ADGRL2: variants seen among roughly 807,000 people sequenced by gnomAD.
ADGRL2 encodes the protein calcium-independent alpha-latrotoxin receptor 2.
In ADGRL2, 44 loss-of-function variants were observed where a neutral mutation model predicts 157.4. The ratio of observed to expected loss-of-function variants is 0.28; its 90% CI spans 0.22 to 0.36. The LOEUF (loss-of-function observed/expected upper bound fraction) is 0.36. Ranked by LOEUF, ADGRL2 falls within the 10% of genes least tolerant of loss-of-function variation. The pLI is 1.00. For synonymous variants in ADGRL2, 585 were observed against 624.7 expected (o/e 0.94, Z 0.95); for missense variants, 1,510 against 1,768.9 (o/e 0.85, Z 2.63).
chr1:81,506,023 G>A (rs868663442), intron 2 of ADGRL2: 1 of 174,910 alleles, frequency 5.7e-6, no homozygotes, highest in Non-Finnish European at 1.2e-5. Flanking sequence ...GAGACAGACT[G>A]GTGAGCATGC....
intron 1 of ADGRL2, among the ~76,000 whole-genome samples, chr1:81,338,966 T>G (rs545540531): frequency 2.8e-4 from 43 of 152,228 alleles, no homozygotes; most frequent in Non-Finnish European, 5.1e-4. Context: ...TATTATTGCC[T>G]GGAATGCTCT....
intron 1 of ADGRL2, among the ~76,000 whole-genome samples, chr1:81,396,547 G>A (rs1465127825): frequency 6.6e-6 from 1 of 152,114 alleles, no homozygotes; most frequent in African/African-American, 2.4e-5. Context: ...GAGCAAGAGT[G>A]GTGAGAGTGG....
intron 3 of ADGRL2, among the ~76,000 whole-genome samples, chr1:81,672,253 T>C (rs1386899244): frequency 1.3e-5 from 2 of 151,806 alleles, no homozygotes; most frequent in African/African-American, 2.4e-5. Flanking sequence ...GTAGAAAGAG[T>C]TTTTGATTAG....
intron 1 of ADGRL2, among the ~76,000 whole-genome samples, chr1:81,330,784 T>C (rs1408041519): frequency 6.6e-6 from 1 of 152,186 alleles, no homozygotes; most frequent in Non-Finnish European, 1.5e-5. Flanking sequence ...GAGGTTGACA[T>C]CTGCACCAGG....
chr1:81,847,495 A>G (rs568292514), intron 2 of ADGRL2, among the ~76,000 whole-genome samples: 55 of 152,074 alleles, frequency 3.6e-4, no homozygotes, highest in African/African-American at 1.3e-3. Context: ...AAACAACCAT[A>G]GTTGAAATAT....
At chr1:81,386,004 T>C (rs1264365497) in intron 1 of ADGRL2, among the ~76,000 whole-genome samples, 1 of 152,126 alleles carries the variant, frequency 6.6e-6, no homozygotes, top group Admixed American at 6.6e-5. Context: ...TAGGAACTTG[T>C]GGCTAATTAA....
intron 1 of ADGRL2, among the ~76,000 whole-genome samples, chr1:81,386,546 C>T (rs895571274): frequency 2.0e-5 from 3 of 152,092 alleles, no homozygotes; most frequent in Admixed American, 6.6e-5. Context: ...TGCCTTTGTC[C>T]TGGGACCTCG....
At chr1:81,799,343 A>G (rs552681324), upstream of ADGRL2, among the ~76,000 whole-genome samples, 3 of 152,312 alleles carry the variant, frequency 2.0e-5, no homozygotes, top group East Asian at 5.8e-4. Flanking sequence ...TGCTCCTTTT[A>G]TCTTTTGAAA....
At chr1:81,716,303 T>A (rs2084114878) in intron 1 of ADGRL2, among the ~76,000 whole-genome samples, 1 of 152,144 alleles carries the variant, frequency 6.6e-6, no homozygotes, top group Admixed American at 6.5e-5. Context: ...AGCAGCTTCC[T>A]TAGATTACTC....
intron 3 of ADGRL2, among the ~76,000 whole-genome samples, chr1:81,631,756 A>T (rs10874260): frequency 0.33 from 50,870 of 151,976 alleles, 8,682 homozygotes; most frequent in Non-Finnish European, 0.36. Context: ...TTTGTGTGAG[A>T]TCTAGTCTCA....
At chr1:81,748,771 G>A (rs1483629207) in intron 1 of ADGRL2, among the ~76,000 whole-genome samples, 2 of 151,858 alleles carry the variant, frequency 1.3e-5, no homozygotes, top group African/African-American at 2.4e-5. Context: ...GGGTTCAAAC[G>A]ATTTTCCTGC....
chr1:81,543,272 G>A (rs555713762), intron 2 of ADGRL2, among the ~76,000 whole-genome samples: 14 of 147,916 alleles, frequency 9.5e-5, no homozygotes, highest in South Asian at 6.2e-4. Context: ...GAGCCCTCAC[G>A]AATGGAATTT....
chr1:81,473,970 C>G (rs912023006), intron 2 of ADGRL2, among the ~76,000 whole-genome samples: 1 of 152,182 alleles, frequency 6.6e-6, no homozygotes, highest in African/African-American at 2.4e-5. Context: ...ATCACTTGGC[C>G]TAGGCCTGTT....
intron 2 of ADGRL2, among the ~76,000 whole-genome samples, chr1:81,547,147 C>T (rs960776798): frequency 6.6e-5 from 10 of 152,298 alleles, no homozygotes; most frequent in African/African-American, 2.4e-4. Flanking sequence ...CAGCCAGATG[C>T]CCCTGGTTCG....
At chr1:81,740,798 C>A (rs1399898516) in intron 1 of ADGRL2, among the ~76,000 whole-genome samples, 11 of 151,990 alleles carry the variant, frequency 7.2e-5, no homozygotes, top group African/African-American at 2.2e-4. Flanking sequence ...AAATAGGAAG[C>A]TTTTGAGAGA....
chr1:81,489,972 C>T (rs984890154), intron 2 of ADGRL2, among the ~76,000 whole-genome samples: 1 of 151,706 alleles, frequency 6.6e-6, no homozygotes, highest in African/African-American at 2.4e-5. Flanking sequence ...GAGAGTCTTC[C>T]AGGGTGAAAT....
chr1:81,990,319 T>C (rs1426270601), intron 23 of ADGRL2, 72 bp from the exon 24 acceptor site: 1 of 1,535,720 alleles, frequency 6.5e-7, no homozygotes, highest in Non-Finnish European at 8.7e-7. Context: ...TAAAAAGTTT[T>C]GTACAAAAGA....
intron 2 of ADGRL2, chr1:81,514,529 G>A (rs1486301406): frequency 6.6e-6 from 1 of 152,028 alleles, no homozygotes; most frequent in Non-Finnish European, 1.5e-5. Context: ...TCAACTTTGG[G>A]GGTTTCAGAA....
chr1:81,523,735 A>C (rs17106634), intron 2 of ADGRL2, among the ~76,000 whole-genome samples: 7,778 of 152,262 alleles, frequency 0.051, 305 homozygotes, highest in East Asian at 0.16. Flanking sequence ...ACTTCCATAG[A>C]AATAAATTTG....
Sources: allele counts gnomAD v4.1 joint callset (sites outside exome capture counted in the v4.1 genomes callset), GRCh38; gene constraint gnomAD v4.1.1; transcripts MANE v1.5; gene names NCBI Gene and HGNC (gene_info 2026-07-23, HGNC 2026-07-21).